Variants in PDE11A observed in about 807,000 individuals in gnomAD.
The protein encoded by PDE11A is dual 3',5'-cyclic-AMP and -GMP phosphodiesterase 11A.
In PDE11A, 100 loss-of-function variants were observed where a neutral mutation model predicts 100.5. The ratio of observed to expected loss-of-function variants is 1.00; its 90% CI spans 0.85 to 1.18. PDE11A has a LOEUF of 1.18. Among genes scored for constraint, PDE11A ranks in the 50% most tolerant of loss-of-function variants. The pLI is 0.00. For missense variants in PDE11A, 1,141 were observed against 1,152.6 expected, an observed-to-expected ratio of 0.99 and a Z score of 0.15; for synonymous variants, 381 against 420.8, an observed-to-expected ratio of 0.91 and a Z score of 1.16.
intron 10 of PDE11A, among the ~76,000 whole-genome samples, chr2:177,759,354 A>T (rs747731296): frequency 7.2e-5 from 11 of 152,186 alleles, no homozygotes; most frequent in Non-Finnish European, 1.5e-4. Flanking sequence ...ATCAAGTATC[A>T]CTATAGGAAA....
chr2:177,879,477 A>G (rs2105701367), intron 4 of PDE11A, among the ~76,000 whole-genome samples: 2 of 152,376 alleles, frequency 1.3e-5, no homozygotes, highest in South Asian at 4.1e-4. Context: ...AGTGTAGTGT[A>G]CAATGGAATT....
chr2:178,107,726 T>C (rs1488275864), intron 1 of PDE11A, among the ~76,000 whole-genome samples: 6 of 146,548 alleles, frequency 4.1e-5, no homozygotes, highest in Non-Finnish European at 6.0e-5. Context: ...TTTTTCTTTT[T>C]TTTTTTTTTT....
Position 178,071,582 on chromosome 2 carries a change from T to C in PDE11A, c.856A>G (p.Ile286Val). 6.2e-7 allele frequency: 1 copy of C among 1,613,748 alleles called. No homozygotes were observed. Among genetic ancestry groups the C allele is most frequent in the Non-Finnish European group, 8.5e-7 (1 of 1,179,628 alleles). Residue 286 changes from isoleucine (I) to valine (V), a missense_variant, in exon 1 of 20, where the codon ATC becomes GTC. By Grantham distance (29) the Ile-to-Val change is conservative. Transcript: ENST00000286063. Reference sequence around the variant, plus strand: ...CCATGCTCCCCGACATAGCCAATGATACCTTTGCCCCAGGGGACCTGCACC... The same window carrying C: ...CCATGCTCCCCGACATAGCCAATGACACCTTTGCCCCAGGGGACCTGCACC... The part of the protein sequence containing the change: ...NEVQVPWGKG[I>V]IGYVGEHGET...
Position 178,071,852 on chromosome 2 carries a change from G to A in PDE11A, c.586C>T (p.Leu196=). ...PPTAIDYKCH[L]KKHNERQFFL... is the part of the protein sequence containing the mutation. Reference sequence around the variant, plus strand: ...AACTGACGCTCATTATGCTTTTTCAGATGGCACTTGTAGTCGATGGCTGTA... The same window carrying A: ...AACTGACGCTCATTATGCTTTTTCAAATGGCACTTGTAGTCGATGGCTGTA... Residue 196 remains leucine (L), a synonymous_variant, in exon 1 of 20, where the codon CTG becomes TTG. Transcript: ENST00000286063. The A allele has an allele frequency of 6.2e-7, 1 of 1,614,074 alleles. No homozygotes were observed. The highest frequency in any genetic ancestry group is 8.5e-7 in the Non-Finnish European group (1 of 1,179,932).
At chr2:178,010,447 C>A (rs1353161102) in intron 2 of PDE11A, among the ~76,000 whole-genome samples, 1 of 152,164 alleles carries the variant, frequency 6.6e-6, no homozygotes, top group South Asian at 2.1e-4. Context: ...AAATTAGGTA[C>A]ACATACTGCT....
At chr2:178,060,229 T>C (rs2086950797) in intron 1 of PDE11A, among the ~76,000 whole-genome samples, 1 of 152,134 alleles carries the variant, frequency 6.6e-6, no homozygotes, top group Non-Finnish European at 1.5e-5. Flanking sequence ...GAAATGAGCT[T>C]CCATTGTGTT....
intron 9 of PDE11A, among the ~76,000 whole-genome samples, chr2:177,794,773 T>C (rs1342178261): frequency 1.5e-5 from 1 of 64,980 alleles, no homozygotes; most frequent in African/African-American, 8.8e-5. Flanking sequence ...GGTTTTTGTT[T>C]GTTTGTTTGT....
In PDE11A at chr2:178,026,837, T is replaced by C. The variant is rs150472943; in HGVS notation, c.913-12377A>G. On this transcript the variant is annotated intron_variant, in intron 1 of 19. Transcript: ENST00000286063. ...GTCAGAAAATTATGGATTATTCAAC[T>C]AGTTACATATTTGGGAAAAATAAGT... 3.0e-4 allele frequency among the ~76,000 whole-genome samples: 45 copies of C among 152,198 alleles called. 1 individual carries two copies. In the East Asian group the frequency reaches 5.8e-3, roughly 20 times the overall value.
At chr2:177,686,731 T>TG (rs1260343773) in intron 15 of PDE11A, 1 of 132,980 alleles carries the variant, frequency 7.5e-6, no homozygotes, top group Non-Finnish European at 1.6e-5. Context: ...TTTTTGGAGA[T>TG]GGAGTTTCAT....
intron 2 of PDE11A, among the ~76,000 whole-genome samples, chr2:178,080,742 C>A (rs536940239): frequency 6.6e-6 from 1 of 152,016 alleles, no homozygotes; most frequent in East Asian, 1.9e-4. Flanking sequence ...TTCCATTAGT[C>A]TCATCTGTTA....
intron 2 of PDE11A, among the ~76,000 whole-genome samples, chr2:177,934,393 A>G (rs577096403): frequency 6.6e-6 from 1 of 152,360 alleles, no homozygotes; most frequent in African/African-American, 2.4e-5. Context: ...AATGCTCCAC[A>G]TTACTAATCA....
intron 7 of PDE11A, among the ~76,000 whole-genome samples, chr2:177,819,846 TTCTCTTTC>T (rs1398732977): frequency 9.0e-5 from 11 of 121,960 alleles, no homozygotes; most frequent in African/African-American, 2.0e-4. Flanking sequence ...TTGAAGTCAT[TTCTCTTTC>T]TCTCTTTCTC....
In PDE11A at chr2:177,907,781, C is replaced by G. The variant is rs373894570; in HGVS notation, c.1072-2594G>C. On this transcript the variant is annotated intron_variant, in intron 2 of 19. Transcript: ENST00000286063. Reference sequence around the variant, plus strand: ...CTAGACAGAGGTCAGGCAGGCTCACCGTTCATTATAAAAGATTTGGGTTGC... The same window carrying G: ...CTAGACAGAGGTCAGGCAGGCTCACGGTTCATTATAAAAGATTTGGGTTGC... Among the ~76,000 whole-genome samples, 29 of 152,292 alleles carry G rather than the reference C, an allele frequency of 1.9e-4. No homozygotes were observed. The South Asian group carries it at 4.4e-3, about 23-fold the overall frequency.
At chr2:177,837,104 G>A (rs115735017) in intron 6 of PDE11A, among the ~76,000 whole-genome samples, 4,186 of 152,268 alleles carry the variant, frequency 0.027, 183 homozygotes, top group African/African-American at 0.096. Context: ...CTCTCCCTCC[G>A]TGTGCAAACC....
intron 15 of PDE11A, among the ~76,000 whole-genome samples, chr2:177,690,273 T>C (rs2081023686): frequency 1.3e-5 from 2 of 152,204 alleles, no homozygotes; most frequent in Non-Finnish European, 2.9e-5. Context: ...TCAGGCTCTG[T>C]TAAAATATAA....
intron 1 of PDE11A, among the ~76,000 whole-genome samples, chr2:178,107,715 T>C (rs1307119827): frequency 6.7e-6 from 1 of 148,976 alleles, no homozygotes; most frequent in Non-Finnish European, 1.5e-5. Context: ...CAATTCCTTT[T>C]TTTTTCTTTT....
In PDE11A at chr2:177,697,322, C is replaced by T. The variant is rs2081127416; in HGVS notation, c.2345+10G>A. The T allele has an allele frequency of 1.5e-6, 2 of 1,364,720 alleles. No individual in the cohort carries two copies. Among genetic ancestry groups the T allele is most frequent in the East Asian group, 2.3e-5 (1 of 43,678 alleles). 84.5% of individuals were successfully genotyped at this position (1,364,720 alleles called of 1,614,324 possible). On this transcript the variant is annotated intron_variant, in intron 15 of 19. Transcript: ENST00000286063. The stretch of plus-strand genomic sequence containing the variant: ...TCCATTTGTCAAACAGATCAAATGC[C>T]AATACCTACTCAAAGTACAGCGTGA...
At chr2:177,790,439 G>A (rs1333914014) in intron 9 of PDE11A, among the ~76,000 whole-genome samples, 1 of 151,556 alleles carries the variant, frequency 6.6e-6, no homozygotes, top group Admixed American at 6.6e-5. Context: ...AAAAACCCTA[G>A]AAGAAAACCT....
At chr2:177,836,743 A>G (rs2083406981) in intron 6 of PDE11A, among the ~76,000 whole-genome samples, 1 of 152,054 alleles carries the variant, frequency 6.6e-6, no homozygotes, top group African/African-American at 2.4e-5. Flanking sequence ...GAGACCACGA[A>G]CTCACCTGGA....
Sources: allele counts gnomAD v4.1 joint callset (sites outside exome capture counted in the v4.1 genomes callset), GRCh38; gene constraint gnomAD v4.1.1; transcripts MANE v1.5; gene names NCBI Gene and HGNC (gene_info 2026-07-23, HGNC 2026-07-21).